Variants in RELN observed in about 807,000 individuals in gnomAD.
RELN encodes the protein reelin.
Under a neutral mutation model 427.6 loss-of-function variants are expected in RELN, and 108 were observed. The ratio of observed to expected loss-of-function variants is 0.25; its 90% CI spans 0.22 to 0.30. RELN has a LOEUF of 0.30. RELN is among the 10% of genes least tolerant of loss of function. The pLI is 1.00. For missense variants in RELN, 3,715 were observed against 4,302.8 expected, an observed-to-expected ratio of 0.86 and a Z score of 3.82; for synonymous variants, 1,524 against 1,513.4, an observed-to-expected ratio of 1.01 and a Z score of -0.16.
rs759959202 is a variant in RELN, at chr7:103,658,204, G to A, written c.1441+3172C>T. Among the ~76,000 whole-genome samples, 7 of 152,112 alleles carry A rather than the reference G, an allele frequency of 4.6e-5. No homozygotes were observed. In the East Asian group the frequency reaches 5.8e-4, roughly 13 times the overall value. On this transcript the variant is annotated intron_variant, in intron 12 of 64. Coordinates refer to ENST00000428762, the MANE Select transcript of RELN (RefSeq NM_005045.4). ...CAATATATGAATAAAGAAAATAGAC[G>A]TTGAACTGAACTTTGAAAGTTGAGC...
In RELN at chr7:103,565,613, T is replaced by C. The variant is rs1584300871; in HGVS notation, c.4937-62A>G. The C allele has an allele frequency of 5.9e-6, 9 of 1,536,438 alleles. No homozygotes were observed. In the Admixed American group the frequency reaches 1.2e-4, roughly 21 times the overall value. ...GTGCCATTTTCTTATTTGGTGTTTA[T>C]GCTTATAATAAACATCTTCAATAGC... On this transcript the variant is annotated intron_variant, in intron 33 of 64. Coordinates refer to ENST00000428762, the MANE Select transcript of RELN (RefSeq NM_005045.4).
chr7:103,645,654 T>G (rs1832783089), intron 16 of RELN, among the ~76,000 whole-genome samples: 1 of 150,952 alleles, frequency 6.6e-6, no homozygotes, highest in Admixed American at 6.6e-5. Flanking sequence ...CCTAAGAAAA[T>G]AGATGGGGTG....
intron 51 of RELN, chr7:103,504,279 AAGT>A (rs1294991769): frequency 6.6e-6 from 1 of 152,240 alleles, no homozygotes; most frequent in African/African-American, 2.4e-5. Flanking sequence ...AGAGGAAAAA[AAGT>A]AGAAATAACC....
chr7:103,801,819 A>G (rs957338093), intron 3 of RELN, among the ~76,000 whole-genome samples: 32 of 152,228 alleles, frequency 2.1e-4, no homozygotes, highest in African/African-American at 6.8e-4. Context: ...TTATCCACAC[A>G]AAACACTTAT....
chr7:103,947,840 T>A (rs115983557), intron 1 of RELN, among the ~76,000 whole-genome samples: 1 of 152,222 alleles, frequency 6.6e-6, no homozygotes, highest in Non-Finnish European at 1.5e-5. Context: ...ACAATGTCAA[T>A]CATGCTTAGG....
At chr7:103,516,278 C>T (rs1166007849) in intron 49 of RELN, among the ~76,000 whole-genome samples, 1 of 139,740 alleles carries the variant, frequency 7.2e-6, no homozygotes, top group Non-Finnish European at 1.5e-5. Flanking sequence ...ATCCTCCTCA[C>T]AAAGTATCTT....
intron 3 of RELN, among the ~76,000 whole-genome samples, chr7:103,795,160 A>G (rs16872603): frequency 0.13 from 19,826 of 152,214 alleles, 1,366 homozygotes; most frequent in Middle Eastern, 0.14. Flanking sequence ...CAATCATAAC[A>G]AGCTTCCTGC....
At chr7:103,894,270 A>G (rs1413573719) in intron 2 of RELN, among the ~76,000 whole-genome samples, 1 of 152,244 alleles carries the variant, frequency 6.6e-6, no homozygotes, top group East Asian at 1.9e-4. Context: ...AAGATTTTTG[A>G]CCTATAGTAT....
At chr7:103,696,404 C>T (rs1269554963) in intron 10 of RELN, among the ~76,000 whole-genome samples, 1 of 152,040 alleles carries the variant, frequency 6.6e-6, no homozygotes, top group Non-Finnish European at 1.5e-5. Context: ...AGCTTCTCAC[C>T]CAAACATCTA....
chr7:103,891,880 T>C (rs865818774), intron 2 of RELN, among the ~76,000 whole-genome samples: 1 of 152,160 alleles, frequency 6.6e-6, no homozygotes, highest in Non-Finnish European at 1.5e-5. Flanking sequence ...CTCTGGACAC[T>C]TTCTTTCCAG....
intron 6 of RELN, among the ~76,000 whole-genome samples, chr7:103,739,560 T>G (rs1790586854): frequency 6.6e-6 from 1 of 152,244 alleles, no homozygotes. Context: ...ATGCAATTCA[T>G]GTTGAGCTCC....
At chr7:103,886,762 T>C (rs1179744487) in intron 2 of RELN, among the ~76,000 whole-genome samples, 2 of 152,198 alleles carry the variant, frequency 1.3e-5, no homozygotes, top group Non-Finnish European at 2.9e-5. Flanking sequence ...TGTAAGAATG[T>C]ATCTCATGGC....
chr7:103,553,349 G>A, intron 40 of RELN, 112 bp downstream of exon 40: 1 of 785,514 alleles, frequency 1.3e-6, no homozygotes, highest in Non-Finnish European at 2.2e-6. Flanking sequence ...TTACATCCTT[G>A]CACAAAAATG....
intron 60 of RELN, among the ~76,000 whole-genome samples, chr7:103,487,843 T>C (rs968773366): frequency 6.6e-6 from 1 of 152,204 alleles, no homozygotes; most frequent in Non-Finnish European, 1.5e-5. Flanking sequence ...ATTTAGCACA[T>C]ATAAGATATT....
At chr7:103,624,770 GCT>G (rs567400801) in intron 20 of RELN, among the ~76,000 whole-genome samples, 5 of 151,674 alleles carry the variant, frequency 3.3e-5, no homozygotes, top group Non-Finnish European at 7.4e-5. Context: ...TTTTCATGTT[GCT>G]CTTTTACTTT....
At position 103,769,798 on chromosome 7, in the gene RELN, AC is replaced by A. The variant is rs746337496; in HGVS notation, c.544+6758del. ...GACCGTGATGAATCAAGATAGAAAC[AC>A]ATCTATTTCTTAATCATGTTGTCTC... On this transcript the variant is annotated intron_variant, in intron 4 of 64. Coordinates refer to ENST00000428762, the MANE Select transcript of RELN (RefSeq NM_005045.4). 1.6e-4 allele frequency among the ~76,000 whole-genome samples: 25 copies of A among 152,330 alleles called. No individual in the cohort carries two copies. In the East Asian group the frequency reaches 3.5e-3, roughly 21 times the overall value.
intron 63 of RELN, among the ~76,000 whole-genome samples, chr7:103,478,942 C>T (rs1056328098): frequency 5.9e-5 from 9 of 152,154 alleles, no homozygotes; most frequent in Admixed American, 1.3e-4. Context: ...AGGGGATGGT[C>T]ACGATGGAAC....
At chr7:103,757,595 G>A (rs924337395) in intron 4 of RELN, among the ~76,000 whole-genome samples, 7 of 152,154 alleles carry the variant, frequency 4.6e-5, no homozygotes, top group African/African-American at 7.2e-5. Context: ...TTAAAGAAGT[G>A]GGTTTTGGTT....
chr7:103,952,167 C>A (rs1179460708), intron 1 of RELN, among the ~76,000 whole-genome samples: 1 of 152,152 alleles, frequency 6.6e-6, no homozygotes, highest in Non-Finnish European at 1.5e-5. Flanking sequence ...AGTAGTTTTG[C>A]TGTCATTCCA....
Sources: gnomAD v4.1 joint callset for allele counts (sites outside exome capture counted in the v4.1 genomes callset) on GRCh38, gnomAD v4.1.1 for gene constraint, MANE v1.5 for transcripts, NCBI Gene and HGNC (gene_info 2026-07-23, HGNC 2026-07-21) for gene names.